The following MOSPD2 variants were observed in gnomAD, a reference collection of about 807,000 sequenced individuals.
The protein encoded by MOSPD2 is motile sperm domain containing 2.
MOSPD2 carries 5 observed loss-of-function variants against 41.7 expected under a neutral mutation model. The ratio of observed to expected loss-of-function variants is 0.12; its 90% CI spans 0.06 to 0.25. The LOEUF is 0.25. Among genes scored for constraint, MOSPD2 ranks in the 10% least tolerant of loss-of-function variants. The pLI is 1.00. For missense variants in MOSPD2, 282 were observed against 375.2 expected, an observed-to-expected ratio of 0.75 and a Z score of 2.05; for synonymous variants, 115 against 126.9, an observed-to-expected ratio of 0.91 and a Z score of 0.63.
chrX:14,902,732 G>A (rs180877173), intron 6 of MOSPD2, among the ~76,000 whole-genome samples: 234 of 112,010 alleles, frequency 2.1e-3, no homozygotes, highest in Middle Eastern at 0.018. Context: ...GTGCACTATT[G>A]ATTTCCCACA....
At chrX:14,911,180 G>T in intron 8 of MOSPD2, 57 bp from the exon 9 acceptor site, 1 of 990,900 alleles carries the variant, frequency 1.0e-6, no homozygotes, top group South Asian at 2.2e-5. Context: ...AATCTACTAA[G>T]AGAGTTATTT....
chrX:14,894,103 G>GTTTTC (rs951175563), intron 3 of MOSPD2, among the ~76,000 whole-genome samples: 1 of 110,717 alleles, frequency 9.0e-6, no homozygotes, highest in Non-Finnish European at 1.9e-5. Flanking sequence ...CACATTTTTT[G>GTTTTC]TTTTCTTTTC....
In MOSPD2 at chrX:14,897,191, C is replaced by G. The variant is rs373192139; in HGVS notation, c.430C>G (p.Pro144Ala). The change falls in exon 5 of 15, where the codon CCT becomes GCT. Residue 144 changes from proline to alanine, a missense_variant. By Grantham distance (27) the Pro-to-Ala change is conservative (BLOSUM62 -1). This residue lies in a region of MOSPD2 where 187 missense variants were observed against 256.6 expected (regional missense o/e 0.73). Coordinates refer to ENST00000380492, the MANE Select transcript of MOSPD2 (RefSeq NM_152581.4). ...TTATGCTAAGAGGGAAAATGGGAAA[C>G]CTGTAACAGTGATGTTTGACCTGTC... ...ERYAKRENGK[P>A]VTVMFDLSET... 1.7e-5 allele frequency: 21 copies of G among 1,205,276 alleles called. No homozygotes were observed. In the African/African-American group the frequency reaches 3.7e-4, roughly 21 times the overall value.
chrX:14,902,656 C>A (rs2092575108), intron 6 of MOSPD2, among the ~76,000 whole-genome samples: 1 of 111,799 alleles, frequency 8.9e-6, no homozygotes. Context: ...TTCTTTTGTA[C>A]CTCCCTGCAA....
intron 5 of MOSPD2, among the ~76,000 whole-genome samples, chrX:14,899,806 A>G (rs1398910432): frequency 9.1e-6 from 1 of 110,287 alleles, no homozygotes; most frequent in Non-Finnish European, 1.9e-5. Flanking sequence ...CACAGTCTTT[A>G]TAAGATGGCC....
Position 14,920,523 on chromosome X carries a change from A to G in MOSPD2, c.*714A>G. The G allele has an allele frequency of 1.3e-6, 1 of 753,719 alleles. No homozygotes were observed. The allele number at this position is 753,719 out of a possible 1,213,427, so 62.1% of individuals were successfully genotyped here. On this transcript the variant is annotated 3_prime_UTR_variant, in exon 15 of 15. Transcript: ENST00000380492. ...TGGAATTTCTTTGAATTCTGTTAGTAATGCCCAAAAGAAAAGTCTCAAGCA... is the reference window on the plus strand; with the variant it reads ...TGGAATTTCTTTGAATTCTGTTAGTGATGCCCAAAAGAAAAGTCTCAAGCA...
chrX:14,915,645 G>A (rs764836448), intron 11 of MOSPD2, 23 bp from the exon 12 acceptor site: 2 of 1,148,850 alleles, frequency 1.7e-6, no homozygotes, highest in South Asian at 1.9e-5. Flanking sequence ...AGGTTGTTAT[G>A]TGACTACTGT....
chrX:14,910,026 T>G (rs2092588804), intron 8 of MOSPD2, among the ~76,000 whole-genome samples: 1 of 111,025 alleles, frequency 9.0e-6, no homozygotes, highest in Non-Finnish European at 1.9e-5. Flanking sequence ...TTAAATAATG[T>G]TAATTTTATG....
At chrX:14,901,996 A>G (rs1212904513) in intron 6 of MOSPD2, among the ~76,000 whole-genome samples, 1 of 110,354 alleles carries the variant, frequency 9.1e-6, no homozygotes, top group Admixed American at 9.7e-5. Flanking sequence ...ACACACATAT[A>G]TATATATTCT....
chrX:14,904,810 C>T (rs2092579033), intron 7 of MOSPD2, among the ~76,000 whole-genome samples: 1 of 111,677 alleles, frequency 9.0e-6, no homozygotes, highest in South Asian at 3.7e-4. Context: ...TTTATTGGAA[C>T]TCCATTATGT....
intron 2 of MOSPD2, among the ~76,000 whole-genome samples, chrX:14,876,619 C>T (rs917814544): frequency 2.7e-5 from 3 of 111,603 alleles, no homozygotes; most frequent in African/African-American, 9.8e-5. Flanking sequence ...TTCTTTCTTC[C>T]TCTTTCTCAT....
rs756799544 is a variant in MOSPD2 at position 14,919,834 on chromosome X, C to A, written c.*25C>A. ...AAGAAGTGGTGCCGGGTAGGAACCA[C>A]GGTTCCTTCGTCCATTAGTTGGAAA... On this transcript the variant is annotated 3_prime_UTR_variant, in exon 15 of 15. Transcript: ENST00000380492. 1 of 1,183,979 alleles carries A rather than the reference C, an allele frequency of 8.4e-7. No homozygotes were observed. The highest frequency in any genetic ancestry group is 2.3e-5 in the Admixed American group (1 of 42,609).
At chrX:14,873,653 A>C in intron 1 of MOSPD2, 36 bp from the exon 2 acceptor site, 1 of 1,200,161 alleles carries the variant, frequency 8.3e-7, no homozygotes, top group Non-Finnish European at 1.1e-6. Context: ...GGTTGATGCA[A>C]GTAGTATCTA....
At chrX:14,904,704 A>T (rs1308216335) in intron 7 of MOSPD2, among the ~76,000 whole-genome samples, 1 of 111,921 alleles carries the variant, frequency 8.9e-6, no homozygotes, top group East Asian at 2.8e-4. Flanking sequence ...GGAAGTACCA[A>T]ATGTTGAGCA....
chrX:14,877,188 G>A (rs367828811), intron 2 of MOSPD2, among the ~76,000 whole-genome samples: 1 of 111,544 alleles, frequency 9.0e-6, no homozygotes, highest in Non-Finnish European at 1.9e-5. Flanking sequence ...GCCATTGAGA[G>A]GTTTGTGTGT....
chrX:14,907,690 A>T lies in MOSPD2; in HGVS notation c.578-1170A>T, dbSNP rs747156046. 4.5e-5 allele frequency among the ~76,000 whole-genome samples: 5 copies of T among 111,939 alleles called. No homozygotes were observed. The South Asian group carries it at 1.9e-3, about 42-fold the overall frequency. ...GAAAATAGATTAGTAGTTGCTAAGG[A>T]CTTGGAGAAGGAGGCCTAAAGAGAG... On this transcript the variant is annotated intron_variant, in intron 7 of 14. Coordinates refer to ENST00000380492, the MANE Select transcript of MOSPD2 (RefSeq NM_152581.4).
chrX:14,918,743 C>T lies in MOSPD2; in HGVS notation c.1380C>T (p.Phe460=). 3 of 1,198,464 alleles carry T rather than the reference C, an allele frequency of 2.5e-6. No homozygotes were observed. The East Asian group carries it at 8.9e-5, about 35-fold the overall frequency. ...PNTLTLKDNA[F]NMSDKTSEDI... ...CTCTTACGTTAAAAGACAATGCTTTCAATATGTCAGATAAAACCAGTGAAG... is the reference window on the plus strand; with the variant it reads ...CTCTTACGTTAAAAGACAATGCTTTTAATATGTCAGATAAAACCAGTGAAG... Residue 460 remains phenylalanine (F), a synonymous_variant, in exon 14 of 15, where the codon TTC becomes TTT. Transcript: ENST00000380492.
intron 2 of MOSPD2, among the ~76,000 whole-genome samples, chrX:14,874,627 T>G (rs1602018641): frequency 8.9e-6 from 1 of 111,956 alleles, no homozygotes; most frequent in African/African-American, 3.2e-5. Flanking sequence ...GTGAATATTT[T>G]GCCTCAGTTG....
In MOSPD2 at chrX:14,920,616, C is replaced by T. The variant is rs2092607901; in HGVS notation, c.*807C>T. On this transcript the variant is annotated 3_prime_UTR_variant, in exon 15 of 15. Coordinates refer to ENST00000380492, the MANE Select transcript of MOSPD2 (RefSeq NM_152581.4). ...CTATAGCTGGACACTGAACCTTTTG[C>T]CTAATTTATTATAAAGGCCTGACCC... 4.0e-6 allele frequency: 3 copies of T among 753,513 alleles called. No individual in the cohort carries two copies. The South Asian group carries it at 2.0e-4, about 51-fold the overall frequency. The allele number at this position is 753,513 out of a possible 1,213,427, so 62.1% of individuals were successfully genotyped here.
Sources: gnomAD v4.1 joint callset for allele counts (sites outside exome capture counted in the v4.1 genomes callset) on GRCh38, gnomAD v4.1.1 for gene constraint, gnomAD v4.1.1 regional missense constraint, MANE v1.5 for transcripts, NCBI Gene and HGNC (gene_info 2026-07-23, HGNC 2026-07-21) for gene names.